The following ITLN1 variants were observed in gnomAD, a reference collection of about 807,000 sequenced individuals.
ITLN1 encodes the protein intelectin-1.
In ITLN1, 29 loss-of-function variants were observed where a neutral mutation model predicts 36.2. The ratio of observed to expected loss-of-function variants is 0.80; its 90% CI spans 0.60 to 1.09. The LOEUF is 1.09. Ranked by LOEUF, ITLN1 falls within the 50% of genes least tolerant of loss-of-function variation. ITLN1 has a pLI of 0.00. For missense variants in ITLN1, 358 were observed against 405.2 expected (o/e 0.88, Z 1.00); for synonymous variants, 143 against 146.5 (o/e 0.98, Z 0.17).
chr1:160,883,498 C>G lies in ITLN1; in HGVS notation c.87G>C (p.Trp29Cys). The G allele has an allele frequency of 6.2e-7, 1 of 1,613,182 alleles. No homozygotes were observed. The highest frequency in any genetic ancestry group is 8.5e-7 in the Non-Finnish European group (1 of 1,179,274). Residue 29 changes from tryptophan (W) to cysteine (C), a missense_variant, in exon 3 of 8, where the codon TGG (tryptophan) becomes TGC (cysteine). Trp to Cys is a radical substitution (Grantham distance 215, BLOSUM62 -2). Coordinates refer to ENST00000326245, the MANE Select transcript of ITLN1 (RefSeq NM_017625.3). ...TDEANTYFKE[W>C]TCSSSPSLPR... is the part of the protein sequence containing the mutation. Reference sequence around the variant, plus strand: ...GCAGAGATGGAGACGAAGAACAGGTCCATTCCTTGAAGTAAGTATTAGCCT... The same window carrying G: ...GCAGAGATGGAGACGAAGAACAGGTGCATTCCTTGAAGTAAGTATTAGCCT...
chr1:160,880,074 G>A (rs1230478664), intron 6 of ITLN1, among the ~76,000 whole-genome samples: 1 of 152,256 alleles, frequency 6.6e-6, no homozygotes, highest in Admixed American at 6.5e-5. Flanking sequence ...GGGAGCCGAA[G>A]GGGGCGGATC....
chr1:160,884,748 T>C, intron 2 of ITLN1, 72 bp downstream of exon 2: 9 of 1,016,840 alleles, frequency 8.9e-6, no homozygotes, highest in Non-Finnish European at 1.4e-5. Context: ...ACATGCTCTG[T>C]GTCCTGGGAG....
chr1:160,884,913 T>C (rs74315633), intron 1 of ITLN1, 30 bp from the exon 2 acceptor site: 42,383 of 1,520,142 alleles, frequency 0.028, 2,856 homozygotes, highest in African/African-American at 0.21. Flanking sequence ...GGTCACCATC[T>C]TGGCCATCAT....
Position 160,883,521 on chromosome 1 carries a change from C to A in ITLN1, c.64G>T (p.Ala22Ser), listed in dbSNP as rs371902815. ...ATTRGWSTDE[A>S]NTYFKEWTCS... ...GTCCATTCCTTGAAGTAAGTATTAG[C>A]CTCATCTAGGGAATACACAGGGTTT... is the stretch of plus-strand genomic sequence containing the variant. Residue 22 changes from alanine to serine, a missense_variant, in exon 3 of 8, where the codon GCT (alanine) becomes TCT (serine). By Grantham distance (99) the Ala-to-Ser change is moderately conservative (BLOSUM62 1). Coordinates refer to ENST00000326245, the MANE Select transcript of ITLN1 (RefSeq NM_017625.3). The A allele has an allele frequency of 5.6e-6, 9 of 1,605,190 alleles. No individual in the cohort carries two copies. The African/African-American group carries it at 9.4e-5, about 17-fold the overall frequency.
chr1:160,876,547 A>C lies in ITLN1; in HGVS notation c.*117T>G. 9.2e-7 allele frequency: 1 copy of C among 1,085,322 alleles called. No individual in the cohort carries two copies. Among genetic ancestry groups the C allele is most frequent in the Non-Finnish European group, 1.3e-6 (1 of 744,310 alleles). 67.2% of individuals were successfully genotyped at this position (1,085,322 alleles called of 1,614,324 possible). A position where few individuals can be genotyped will look rare whatever the true frequency, so the allele number is the denominator to read the frequency against. On this transcript the variant is annotated 3_prime_UTR_variant, in exon 8 of 8. Coordinates refer to ENST00000326245, the MANE Select transcript of ITLN1 (RefSeq NM_017625.3). ...TCACAGAAACACCAAGCCTTGAGTCAATATGATTTATTGTTTTCTCTTCTG... is the reference window on the plus strand; with the variant it reads ...TCACAGAAACACCAAGCCTTGAGTCCATATGATTTATTGTTTTCTCTTCTG...
chr1:160,882,548 T>C lies in ITLN1; in HGVS notation c.158-344A>G, dbSNP rs536355163. Among the ~76,000 whole-genome samples, 46 of 152,370 alleles carry C rather than the reference T, an allele frequency of 3.0e-4. 1 individual carries two copies. The highest frequency in any genetic ancestry group is 9.6e-4 in the African/African-American group (40 of 41,576). Reference sequence around the variant, plus strand: ...TTTACACCAGTGTTCATTGCAGCATTAGTCACAAGAGCCAAATAGAAGAAA... The same window carrying C: ...TTTACACCAGTGTTCATTGCAGCATCAGTCACAAGAGCCAAATAGAAGAAA... On this transcript the variant is annotated intron_variant, in intron 3 of 7. Transcript: ENST00000326245.
At position 160,883,552 on chromosome 1, in the gene ITLN1, C is replaced by CGAAT. The variant is rs748015238; in HGVS notation, c.59-27_59-26insATTC. 4 of 1,515,992 alleles carry CGAAT rather than the reference C, an allele frequency of 2.6e-6. No homozygotes were observed. In the African/African-American group the frequency reaches 5.5e-5, roughly 21 times the overall value. 93.9% of individuals were successfully genotyped at this position (1,515,992 alleles called of 1,614,324 possible). ...CTAGGGAATACACAGGGTTTATTCT[C>CGAAT]ATTCCCGGTTTGACACAAAACCTAC... On this transcript the variant is annotated intron_variant, in intron 2 of 7. Coordinates refer to ENST00000326245, the MANE Select transcript of ITLN1 (RefSeq NM_017625.3).
chr1:160,881,213 A>G lies in ITLN1; in HGVS notation c.505T>C (p.Tyr169His). 6.2e-7 allele frequency: 1 copy of G among 1,613,846 alleles called. No homozygotes were observed. Among genetic ancestry groups the G allele is most frequent in the Non-Finnish European group, 8.5e-7 (1 of 1,179,834 alleles). The change falls in exon 5 of 8, where the codon TAC becomes CAC. Residue 169 changes from tyrosine (Y) to histidine (H), a missense_variant. Transcript: ENST00000326245. ...TGGAGGAAGCCAGTGTCCGTGCGGTACCTCAGCAGGGAGCTGTTTCTCCAG... is the reference window on the plus strand; with the variant it reads ...TGGAGGAAGCCAGTGTCCGTGCGGTGCCTCAGCAGGGAGCTGTTTCTCCAG... ...QHWRNSSLLR[Y>H]RTDTGFLQTL...
chr1:160,885,133 G>C lies in ITLN1; in HGVS notation c.-79C>G, dbSNP rs1316003642. ...CACTCCCTCCCTCCACTGCGCCCTG[G>C]AGCTCAACAGAGTGCAGCTTTCTCC... On this transcript the variant is annotated 5_prime_UTR_variant, in exon 1 of 8. Coordinates refer to ENST00000326245, the MANE Select transcript of ITLN1 (RefSeq NM_017625.3). 2.5e-6 allele frequency: 1 copy of C among 406,148 alleles called. No homozygotes were observed. Among genetic ancestry groups the C allele is most frequent in the Non-Finnish European group, 4.5e-6 (1 of 221,176 alleles). 25.2% of individuals were successfully genotyped at this position (406,148 alleles called of 1,614,324 possible).
chr1:160,882,913 A>C (rs1455457606), intron 3 of ITLN1, among the ~76,000 whole-genome samples: 1 of 152,152 alleles, frequency 6.6e-6, no homozygotes, highest in Non-Finnish European at 1.5e-5. Flanking sequence ...TCTGTTGCCC[A>C]GGCTGGAGTG....
chr1:160,881,663 G>A (rs563709377), intron 4 of ITLN1: 20 of 527,820 alleles, frequency 3.8e-5, no homozygotes, highest in South Asian at 2.3e-4. Flanking sequence ...ACAAAAATTC[G>A]CTGAGTATGG....
Position 160,882,175 on chromosome 1 carries a change from C to A in ITLN1, c.187G>T (p.Gly63Cys). 6.3e-7 allele frequency: 1 copy of A among 1,596,872 alleles called. No individual in the cohort carries two copies. The highest frequency in any genetic ancestry group is 8.5e-7 in the Non-Finnish European group (1 of 1,170,120). ...DGLYFLRTENGVIYQTFCDMT... is the reference protein window; with the variant it reads ...DGLYFLRTENCVIYQTFCDMT... ...TCACAGAAGGTCTGGTAGATAACACCATTCTCAGTGCGGAGAAAATACAGG... is the reference window on the plus strand; with the variant it reads ...TCACAGAAGGTCTGGTAGATAACACAATTCTCAGTGCGGAGAAAATACAGG... Residue 63 changes from glycine (G) to cysteine (C), a missense_variant, in exon 4 of 8, where the codon GGT becomes TGT. Physicochemically the swap from Gly to Cys is radical, Grantham distance 159. Transcript: ENST00000326245.
In ITLN1 at chr1:160,883,528, T is replaced by C; in HGVS notation, c.59-2A>G. On this transcript the variant is annotated splice_acceptor_variant, in intron 2 of 7. Coordinates refer to ENST00000326245, the MANE Select transcript of ITLN1 (RefSeq NM_017625.3). LOFTEE classifies it high-confidence loss of function. ...CCTTGAAGTAAGTATTAGCCTCATC[T>C]AGGGAATACACAGGGTTTATTCTCA... 6.3e-7 allele frequency: 1 copy of C among 1,588,690 alleles called. No individual in the cohort carries two copies. Among genetic ancestry groups the C allele is most frequent in the Middle Eastern group, 1.7e-4 (1 of 6,030 alleles).
At chr1:160,880,243 T>G (rs1181361535) in intron 6 of ITLN1, among the ~76,000 whole-genome samples, 1 of 151,410 alleles carries the variant, frequency 6.6e-6, no homozygotes, top group Non-Finnish European at 1.5e-5. Context: ...AGGCACAAGT[T>G]GCAGTGAGCT....
rs201081504 is a variant in ITLN1 at position 160,882,187 on chromosome 1, G to T, written c.175C>A (p.Arg59Ser). ...TGGTAGATAACACCATTCTCAGTGC[G>T]GAGAAAATACAGGCCATCTGTAGAG... ...PSAFDGLYFLRTENGVIYQTF... is the reference protein window; with the variant it reads ...PSAFDGLYFLSTENGVIYQTF... The change falls in exon 4 of 8, where the codon CGC becomes AGC. Residue 59 changes from arginine (R) to serine (S), a missense_variant. By Grantham distance (110) the Arg-to-Ser change is moderately radical. Coordinates refer to ENST00000326245, the MANE Select transcript of ITLN1 (RefSeq NM_017625.3). 1 of 1,584,328 alleles carries T rather than the reference G, an allele frequency of 6.3e-7. No homozygotes were observed. Among genetic ancestry groups the T allele is most frequent in the African/African-American group, 1.3e-5 (1 of 74,510 alleles).
intron 7 of ITLN1, among the ~76,000 whole-genome samples, 178 bp from the exon 8 acceptor site, chr1:160,876,994 C>T (rs1029676676): frequency 1.3e-5 from 2 of 152,156 alleles, no homozygotes; most frequent in Non-Finnish European, 2.9e-5. Context: ...TCCCAGCAGT[C>T]TGGGAGGCCG....
intron 3 of ITLN1, among the ~76,000 whole-genome samples, chr1:160,882,753 T>C (rs1029036733): frequency 2.0e-5 from 3 of 152,198 alleles, no homozygotes; most frequent in Admixed American, 6.5e-5. Context: ...TGACTCCAAT[T>C]ACATGAGGTA....
chr1:160,879,439 C>T, intron 6 of ITLN1, 25 bp from the exon 7 acceptor site: 1 of 1,588,196 alleles, frequency 6.3e-7, no homozygotes, highest in Non-Finnish European at 8.6e-7. Context: ...CAGAAAACAG[C>T]ATTCAAGGAA....
rs2101907932 is a variant in ITLN1 at position 160,876,833 on chromosome 1, G to A, written c.790-17C>T. On this transcript the variant is annotated splice_polypyrimidine_tract_variant and intron_variant, in intron 7 of 7. Transcript: ENST00000326245. ...AATGCAGTGCTGGGAAACAAAGAGA[G>A]GAAGAGGCAGTAATGAGAGATCTGC... The A allele has an allele frequency of 6.2e-7, 1 of 1,612,432 alleles. No homozygotes were observed.
Sources: allele counts gnomAD v4.1 joint callset (sites outside exome capture counted in the v4.1 genomes callset), GRCh38; gene constraint gnomAD v4.1.1; transcripts MANE v1.5; gene names NCBI Gene and HGNC (gene_info 2026-07-23, HGNC 2026-07-21).